IMMT: variants seen among roughly 807,000 people sequenced by gnomAD.
IMMT encodes the protein inner membrane mitochondrial protein.
Under a neutral mutation model 92.7 loss-of-function variants are expected in IMMT, and 40 were observed. The ratio of observed to expected loss-of-function variants is 0.43; its 90% CI spans 0.34 to 0.56. The LOEUF is 0.56. IMMT is among the 20% of genes least tolerant of loss of function. The pLI, the probability that IMMT is intolerant of heterozygous loss-of-function variation, is 0.03. For synonymous variants in IMMT, 322 were observed against 336.1 expected (o/e 0.96, Z 0.46); for missense variants, 831 against 912.1 (o/e 0.91, Z 1.14).
At chr2:86,159,708 T>C (rs2104892536) in intron 8 of IMMT, 37 bp from the exon 9 acceptor site, 4 of 1,500,662 alleles carry the variant, frequency 2.7e-6, no homozygotes, top group Non-Finnish European at 3.6e-6. Context: ...ATATAACTTC[T>C]TGTCAACTGT....
At chr2:86,192,602 T>A (rs934123788) in intron 1 of IMMT, among the ~76,000 whole-genome samples, 11 of 152,196 alleles carry the variant, frequency 7.2e-5, no homozygotes, top group Non-Finnish European at 5.9e-5. Context: ...TGGAGCTTAC[T>A]TTTTAAAGGT....
chr2:86,194,725 G>C (rs1673407242), intron 1 of IMMT, among the ~76,000 whole-genome samples: 1 of 152,162 alleles, frequency 6.6e-6, no homozygotes, highest in Non-Finnish European at 1.5e-5. Flanking sequence ...CCTAATCTCA[G>C]AAATGAGCCA....
chr2:86,158,316 CT>C (rs928051033), intron 10 of IMMT: 2,262 of 210,452 alleles, frequency 0.011, no homozygotes, highest in East Asian at 0.018. Context: ...AAATTCCAAA[CT>C]TTTTTTTTTT....
At chr2:86,184,974 G>T (rs545813014) in intron 1 of IMMT, among the ~76,000 whole-genome samples, 1 of 152,226 alleles carries the variant, frequency 6.6e-6, no homozygotes, top group Admixed American at 6.5e-5. Flanking sequence ...GGATCACAAG[G>T]TCAGGAGATT....
chr2:86,195,328 C>T lies in IMMT; in HGVS notation c.45+10G>A. The T allele has an allele frequency of 6.5e-7, 1 of 1,545,146 alleles. No homozygotes were observed. The highest frequency in any genetic ancestry group is 8.7e-7 in the Non-Finnish European group (1 of 1,144,042). ...CCTCCTCACGCGCCTCCGGGAGCCC[C>T]AGTGCTCACCTGGGCGGCGGCGGTC... On this transcript the variant is annotated intron_variant, in intron 1 of 14. Transcript: ENST00000410111.
chr2:86,183,000 T>C (rs1221392361), intron 1 of IMMT, among the ~76,000 whole-genome samples: 1 of 152,234 alleles, frequency 6.6e-6, no homozygotes, highest in Non-Finnish European at 1.5e-5. Flanking sequence ...CCTTCTATTC[T>C]GTAAAGTAGT....
At chr2:86,169,102 TA>T (rs1485590286) in intron 6 of IMMT, among the ~76,000 whole-genome samples, 1 of 152,124 alleles carries the variant, frequency 6.6e-6, no homozygotes, top group Non-Finnish European at 1.5e-5. Context: ...GAGGGGGAAT[TA>T]AGAGGTGACA....
At chr2:86,185,015 C>T (rs1478668371) in intron 1 of IMMT, among the ~76,000 whole-genome samples, 3 of 151,940 alleles carry the variant, frequency 2.0e-5, no homozygotes, top group African/African-American at 2.4e-5. Context: ...GGTGAAACCC[C>T]GTCTCTACTA....
At chr2:86,187,915 G>GAA (rs903605522) in intron 1 of IMMT, among the ~76,000 whole-genome samples, 8 of 127,386 alleles carry the variant, frequency 6.3e-5, no homozygotes, top group Admixed American at 8.1e-5. Flanking sequence ...TCTGTCTCCA[G>GAA]AAAAAAAAAA....
chr2:86,185,594 G>T lies in IMMT; in HGVS notation c.46-4222C>A, dbSNP rs115490607. 1.7e-3 allele frequency among the ~76,000 whole-genome samples: 257 copies of T among 152,206 alleles called. 2 individuals are homozygous for T. The highest frequency in any genetic ancestry group is 5.9e-3 in the African/African-American group (245 of 41,510). On this transcript the variant is annotated intron_variant, in intron 1 of 14. Transcript: ENST00000410111. ...GGTGTTACCTACAGCAGCCTCACAG[G>T]AAGCCCAAAATGGAGAAGGGCTTAT...
intron 14 of IMMT, 114 bp from the exon 15 acceptor site, chr2:86,144,995 G>A (rs910130941): frequency 1.6e-6 from 2 of 1,273,530 alleles, no homozygotes; most frequent in South Asian, 1.6e-5. Context: ...GATGAGGCCA[G>A]AGAGACTTTC....
intron 6 of IMMT, among the ~76,000 whole-genome samples, chr2:86,170,405 A>G (rs1223800933): frequency 1.3e-5 from 2 of 152,200 alleles, no homozygotes; most frequent in East Asian, 3.8e-4. Context: ...GGTGACAGAA[A>G]AGAGCCTATC....
intron 3 of IMMT, among the ~76,000 whole-genome samples, chr2:86,179,232 T>C (rs1677666658): frequency 2.0e-5 from 3 of 152,198 alleles, no homozygotes. Flanking sequence ...TTAAAGTATA[T>C]GGGAGGGTAT....
intron 3 of IMMT, among the ~76,000 whole-genome samples, chr2:86,176,671 CA>C (rs1178847910): frequency 1.4e-4 from 22 of 152,180 alleles, no homozygotes; most frequent in Non-Finnish European, 2.4e-4. Context: ...TGGTTTAGTA[CA>C]AACATGCTGA....
chr2:86,167,069 G>T (rs955358770), intron 6 of IMMT, among the ~76,000 whole-genome samples: 2 of 146,954 alleles, frequency 1.4e-5, no homozygotes, highest in Non-Finnish European at 3.0e-5. Flanking sequence ...CTGCACTCTA[G>T]CCTGGGCGAC....
intron 12 of IMMT, among the ~76,000 whole-genome samples, chr2:86,148,346 C>T (rs896246511): frequency 1.3e-5 from 2 of 152,106 alleles, no homozygotes; most frequent in Admixed American, 1.3e-4. Context: ...TGGTGGCTCA[C>T]ACCTGTAATC....
At chr2:86,180,847 A>T (rs945391358) in intron 2 of IMMT, among the ~76,000 whole-genome samples, 4 of 152,196 alleles carry the variant, frequency 2.6e-5, no homozygotes, top group African/African-American at 9.6e-5. Context: ...AGATCCAGCC[A>T]CTGCACTCCA....
chr2:86,171,473 C>A, intron 4 of IMMT, 128 bp from the exon 5 acceptor site: 1 of 818,716 alleles, frequency 1.2e-6, no homozygotes. Flanking sequence ...TTTGTACTGC[C>A]ACATGTTTGA....
chr2:86,145,634 C>A (rs1674942863), intron 14 of IMMT, among the ~76,000 whole-genome samples: 1 of 151,212 alleles, frequency 6.6e-6, no homozygotes, highest in Non-Finnish European at 1.5e-5. Context: ...CCTAAAAAAA[C>A]CCATTTTATT....
Sources: gnomAD v4.1 joint callset for allele counts (sites outside exome capture counted in the v4.1 genomes callset) on GRCh38, gnomAD v4.1.1 for gene constraint, MANE v1.5 for transcripts, NCBI Gene and HGNC (gene_info 2026-07-23, HGNC 2026-07-21) for gene names.